WDR49: variants seen among roughly 807,000 people sequenced by gnomAD.
WDR49 encodes cilia- and flagella-associated protein 337.
WDR49 carries 107 observed loss-of-function variants against 119.5 expected under a neutral mutation model. That is an observed-to-expected ratio of 0.90 (90% confidence interval 0.77 to 1.05). The LOEUF (loss-of-function observed/expected upper bound fraction) is 1.05. Among genes scored for constraint, WDR49 ranks in the 50% least tolerant of loss-of-function variants. The probability of loss-of-function intolerance (pLI) is 0.00; values close to 1 mark genes in which losing one functional copy is unlikely to be tolerated. For synonymous variants in WDR49, 425 were observed against 418.8 expected (o/e 1.01, Z -0.18); for missense variants, 1,240 against 1,220.5 (o/e 1.02, Z -0.24).
At chr3:167,506,924 G>C (rs771388877) in intron 16 of WDR49, among the ~76,000 whole-genome samples, 2 of 152,076 alleles carry the variant, frequency 1.3e-5, no homozygotes, top group Non-Finnish European at 2.9e-5. Flanking sequence ...TGAGACTGGG[G>C]TTATGAGTTG....
intron 10 of WDR49, among the ~76,000 whole-genome samples, chr3:167,540,406 G>A (rs76705732): frequency 0.086 from 13,063 of 152,116 alleles, 1,102 homozygotes; most frequent in African/African-American, 0.22. Flanking sequence ...AAGGCTGGTA[G>A]TCCCACTGGG....
At chr3:167,621,325 C>T in intron 4 of WDR49, 142 bp downstream of exon 4, 1 of 834,310 alleles carries the variant, frequency 1.2e-6, no homozygotes, top group Non-Finnish European at 1.7e-6. Context: ...GTGACCTAAT[C>T]CATCTCTTCC....
At chr3:167,511,491 G>A (rs1288306950) in intron 16 of WDR49, among the ~76,000 whole-genome samples, 1 of 152,164 alleles carries the variant, frequency 6.6e-6, no homozygotes, top group Non-Finnish European at 1.5e-5. Flanking sequence ...AGACAACAAA[G>A]CTCCAGTTTT....
intron 18 of WDR49, among the ~76,000 whole-genome samples, chr3:167,488,835 C>T (rs1234314283): frequency 1.3e-5 from 2 of 152,102 alleles, no homozygotes; most frequent in Non-Finnish European, 2.9e-5. Context: ...TCATCTGATA[C>T]CAGTCTCCTC....
intron 7 of WDR49, 133 bp downstream of exon 7, chr3:167,601,994 C>T (rs1030306821): frequency 9.2e-6 from 11 of 1,190,028 alleles, no homozygotes; most frequent in Non-Finnish European, 1.3e-5. Flanking sequence ...TATAGACTTC[C>T]AAAAACATAA....
At chr3:167,513,248 G>A (rs1045893998) in intron 16 of WDR49, among the ~76,000 whole-genome samples, 7 of 152,242 alleles carry the variant, frequency 4.6e-5, no homozygotes, top group South Asian at 4.1e-4. Flanking sequence ...GACTGACAGC[G>A]GACCTCTCAG....
chr3:167,560,256 TTAAA>T, intron 8 of WDR49, 28 bp from the exon 9 acceptor site: 2 of 1,593,934 alleles, frequency 1.3e-6, no homozygotes, highest in Non-Finnish European at 1.7e-6. Context: ...TTTAAAGAAA[TTAAA>T]TATAGTCTCA....
rs574494002 is a variant in WDR49 at position 167,595,625 on chromosome 3, T to A, written c.1275+6502A>T. ...GAAAAACAAGCAATGGGGAAAGGATTCCCTATTTAATAAATGGTGCTGGGG... is the reference window on the plus strand; with the variant it reads ...GAAAAACAAGCAATGGGGAAAGGATACCCTATTTAATAAATGGTGCTGGGG... On this transcript the variant is annotated intron_variant, in intron 7 of 18. Transcript: ENST00000682715. Among the ~76,000 whole-genome samples, 1,513 of 152,304 alleles carry A rather than the reference T, an allele frequency of 9.9e-3. 18 individuals are homozygous for A. The highest frequency in any genetic ancestry group is 0.016 in the Non-Finnish European group (1,059 of 68,030).
At chr3:167,652,150 T>C (rs1386670146) in intron 2 of WDR49, among the ~76,000 whole-genome samples, 1 of 152,180 alleles carries the variant, frequency 6.6e-6, no homozygotes, top group African/African-American at 2.4e-5. Flanking sequence ...AGCAAATATA[T>C]GAAGGTTGAA....
intron 16 of WDR49, among the ~76,000 whole-genome samples, chr3:167,516,424 T>G (rs550736374): frequency 1.6e-3 from 250 of 152,218 alleles, no homozygotes; most frequent in African/African-American, 5.6e-3. Flanking sequence ...ACAAAGGACA[T>G]GAACGCATCA....
rs1202109148 is a variant in WDR49, at chr3:167,644,057, C to CTT, written c.165+9202_165+9203dup. 9.5e-5 allele frequency among the ~76,000 whole-genome samples: 13 copies of CTT among 137,120 alleles called. No homozygotes were observed. The East Asian group carries it at 1.1e-3, about 11-fold the overall frequency. The allele number at this position is 137,120 out of a possible 152,430, so 90.0% of individuals were successfully genotyped here. A position where few individuals can be genotyped will look rare whatever the true frequency, so the allele number is the denominator to read the frequency against. On this transcript the variant is annotated intron_variant, in intron 2 of 18. Coordinates refer to ENST00000682715, the MANE Select transcript of WDR49 (RefSeq NM_001366157.1). ...ATGACAAATTCCCCCCAATCCCCACCTTTTTTTTTTTTTTTTGGATTTCTC... is the reference window on the plus strand; with the variant it reads ...ATGACAAATTCCCCCCAATCCCCACCTTTTTTTTTTTTTTTTTTGGATTTCTC...
At chr3:167,511,851 A>G (rs1003954830) in intron 16 of WDR49, among the ~76,000 whole-genome samples, 1 of 152,146 alleles carries the variant, frequency 6.6e-6, no homozygotes, top group African/African-American at 2.4e-5. Context: ...ATCGTGGCCA[A>G]CTGCTTCTTT....
chr3:167,534,383 G>A (rs989965640), intron 11 of WDR49, among the ~76,000 whole-genome samples: 3 of 152,014 alleles, frequency 2.0e-5, no homozygotes, highest in African/African-American at 4.8e-5. Flanking sequence ...CCAATACAAC[G>A]GTATTTACTA....
intron 17 of WDR49, among the ~76,000 whole-genome samples, chr3:167,500,800 A>T (rs1285755865): frequency 6.6e-6 from 1 of 152,216 alleles, no homozygotes; most frequent in East Asian, 1.9e-4. Flanking sequence ...TCATGCTCTT[A>T]AAGGCAAAGT....
At chr3:167,538,829 G>A (rs1178546387) in intron 10 of WDR49, among the ~76,000 whole-genome samples, 1 of 152,148 alleles carries the variant, frequency 6.6e-6, no homozygotes, top group South Asian at 2.1e-4. Flanking sequence ...TTTGCAAGAT[G>A]AAAACACTCT....
At chr3:167,615,338 G>A (rs924702858) in intron 5 of WDR49, among the ~76,000 whole-genome samples, 9 of 151,132 alleles carry the variant, frequency 6.0e-5, no homozygotes, top group African/African-American at 1.9e-4. Flanking sequence ...GTTTCACCAT[G>A]TTGCTCAGGC....
At chr3:167,645,071 C>T (rs562727007) in intron 2 of WDR49, among the ~76,000 whole-genome samples, 2 of 151,554 alleles carry the variant, frequency 1.3e-5, no homozygotes, top group African/African-American at 4.8e-5. Context: ...TTAAAATACA[C>T]CAGAAAATAT....
At chr3:167,483,494 C>A (rs1400685165) in intron 18 of WDR49, among the ~76,000 whole-genome samples, 1 of 151,772 alleles carries the variant, frequency 6.6e-6, no homozygotes, top group Non-Finnish European at 1.5e-5. Flanking sequence ...AATTTTTTTT[C>A]TTTTTAGTTA....
intron 18 of WDR49, among the ~76,000 whole-genome samples, chr3:167,481,850 C>G (rs1750728817): frequency 6.6e-6 from 1 of 152,106 alleles, no homozygotes; most frequent in African/African-American, 2.4e-5. Context: ...ATTACCTCCC[C>G]CTAGGTCCCT....
Sources: allele counts gnomAD v4.1 joint callset (sites outside exome capture counted in the v4.1 genomes callset), GRCh38; gene constraint gnomAD v4.1.1; transcripts MANE v1.5; gene names NCBI Gene and HGNC (gene_info 2026-07-23, HGNC 2026-07-21).